The following CATSPERD variants were observed in gnomAD, a reference collection of about 807,000 sequenced individuals.
CATSPERD encodes the protein cation channel sperm-associated auxiliary subunit delta.
Under a neutral mutation model 98.1 loss-of-function variants are expected in CATSPERD, and 86 were observed. The ratio of observed to expected loss-of-function variants is 0.88; its 90% CI spans 0.74 to 1.05. The LOEUF (loss-of-function observed/expected upper bound fraction) is 1.05. Ranked by LOEUF, CATSPERD falls within the 50% of genes least tolerant of loss-of-function variation. The pLI, the probability that CATSPERD is intolerant of heterozygous loss-of-function variation, is 0.00. For synonymous variants in CATSPERD, 394 were observed against 390.2 expected (o/e 1.01, Z -0.12); for missense variants, 995 against 1,005.7 (o/e 0.99, Z 0.14).
intron 11 of CATSPERD, among the ~76,000 whole-genome samples, chr19:5,750,450 CAAAAAAAA>C (rs60496454): frequency 4.1e-5 from 2 of 48,672 alleles, no homozygotes; most frequent in Admixed American, 3.4e-4. Context: ...GACTCTGTCT[CAAAAAAAA>C]AAAAAAAAAA....
intron 8 of CATSPERD, 76 bp from the exon 9 acceptor site, chr19:5,745,837 C>T (rs1007576618): frequency 6.7e-7 from 1 of 1,491,922 alleles, no homozygotes; most frequent in African/African-American, 1.4e-5. Flanking sequence ...AGCCAGACTC[C>T]TCTTCCCTCA....
At chr19:5,721,723 G>A (rs373322211) in intron 1 of CATSPERD, among the ~76,000 whole-genome samples, 1 of 151,824 alleles carries the variant, frequency 6.6e-6, no homozygotes. Context: ...AGTGGCTCAC[G>A]CCTGTAATCC....
In CATSPERD at chr19:5,741,787, G is replaced by GA. The variant is rs1196515238; in HGVS notation, c.573+2348_573+2349insA. Among the ~76,000 whole-genome samples the GA allele has an allele frequency of 2.2e-5, 2 of 90,204 alleles. 1 individual carries two copies. The highest frequency in any genetic ancestry group is 4.8e-5 in the Non-Finnish European group (2 of 41,400). The allele number at this position is 90,204 out of a possible 152,430, so 59.2% of individuals were successfully genotyped here. On this transcript the variant is annotated intron_variant, in intron 7 of 21. Coordinates refer to ENST00000381624, the MANE Select transcript of CATSPERD (RefSeq NM_152784.4). ...CCAGCACTTTGGGATGCTGAAGGCG[G>GA]GGGGGGGGGGGTGGTGTGGATCACT...
chr19:5,771,101 G>A (rs1199905087), intron 19 of CATSPERD, 29 bp downstream of exon 19: 1 of 1,603,746 alleles, frequency 6.2e-7, no homozygotes, highest in Non-Finnish European at 8.5e-7. Context: ...GCTGCAGGGT[G>A]GGGACGGTGG....
chr19:5,777,049 G>A (rs2056752203), intron 21 of CATSPERD, among the ~76,000 whole-genome samples: 1 of 152,142 alleles, frequency 6.6e-6, no homozygotes, highest in South Asian at 2.1e-4. Context: ...GTGCTGAGGA[G>A]ATTATAAAGC....
intron 19 of CATSPERD, chr19:5,772,204 T>C: frequency 2.8e-6 from 1 of 355,990 alleles, no homozygotes; most frequent in Non-Finnish European, 5.3e-6. Context: ...CATACCACAA[T>C]GCCCGGTTAA....
chr19:5,722,747 C>A (rs1348104515), intron 1 of CATSPERD, among the ~76,000 whole-genome samples: 1 of 151,684 alleles, frequency 6.6e-6, no homozygotes, highest in African/African-American at 2.4e-5. Context: ...CCCCCGCAAC[C>A]CCGGTGATTC....
At chr19:5,747,602 T>C (rs2056118830) in intron 9 of CATSPERD, among the ~76,000 whole-genome samples, 1 of 138,246 alleles carries the variant, frequency 7.2e-6, no homozygotes, top group African/African-American at 2.6e-5. Context: ...GGTTTTCTTT[T>C]TTCTTTTCTT....
intron 4 of CATSPERD, among the ~76,000 whole-genome samples, chr19:5,731,569 T>G (rs907587524): frequency 8.7e-6 from 1 of 115,292 alleles, no homozygotes; most frequent in East Asian, 2.4e-4. Context: ...AGTTTTTTTT[T>G]TTTTTTTTTT....
intron 14 of CATSPERD, 111 bp from the exon 15 acceptor site, chr19:5,758,975 G>T: frequency 1.1e-6 from 1 of 892,484 alleles, no homozygotes; most frequent in South Asian, 1.3e-5. Flanking sequence ...GCGGCTTCCA[G>T]GTTCGTCCCC....
At chr19:5,753,706 T>A (rs898759527) in intron 12 of CATSPERD, 1 of 222,734 alleles carries the variant, frequency 4.5e-6, no homozygotes, top group Non-Finnish European at 9.3e-6. Context: ...TTGTCTCTAT[T>A]AAAAAAAAAA....
intron 18 of CATSPERD, among the ~76,000 whole-genome samples, chr19:5,769,052 G>A (rs749112643): frequency 6.6e-6 from 1 of 151,920 alleles, no homozygotes; most frequent in Non-Finnish European, 1.5e-5. Flanking sequence ...TACTCGGGAG[G>A]CTGAGGCAGG....
At chr19:5,772,652 G>A (rs888467279) in intron 19 of CATSPERD, 136 bp from the exon 20 acceptor site, 26 of 807,522 alleles carry the variant, frequency 3.2e-5, no homozygotes, top group East Asian at 5.2e-5. Context: ...AGCTGGGAGC[G>A]GCAGGCGTCC....
intron 5 of CATSPERD, among the ~76,000 whole-genome samples, chr19:5,734,713 G>T (rs2055808246): frequency 6.6e-6 from 1 of 151,796 alleles, no homozygotes; most frequent in South Asian, 2.1e-4. Flanking sequence ...GAGGCAGGAG[G>T]ATCCCTTGAG....
At chr19:5,741,785 CG>C (rs762072689) in intron 7 of CATSPERD, among the ~76,000 whole-genome samples, 774 of 6,078 alleles carry the variant, frequency 0.13, 149 homozygotes, top group African/African-American at 0.22. Context: ...ATGCTGAAGG[CG>C]GGGGGGGGGG....
intron 7 of CATSPERD, among the ~76,000 whole-genome samples, chr19:5,743,669 TC>T (rs2056037417): frequency 3.1e-5 from 4 of 129,898 alleles, no homozygotes; most frequent in Admixed American, 1.6e-4. Context: ...TCTCTCTTCC[TC>T]TCTCTCTCTC....
intron 4 of CATSPERD, among the ~76,000 whole-genome samples, chr19:5,732,684 T>G (rs771701617): frequency 1.3e-5 from 2 of 152,066 alleles, no homozygotes; most frequent in Non-Finnish European, 2.9e-5. Flanking sequence ...TGTTTTGTTT[T>G]GTTTTTGGTT....
intron 17 of CATSPERD, among the ~76,000 whole-genome samples, chr19:5,767,177 C>T (rs1215009781): frequency 1.3e-5 from 2 of 150,174 alleles, no homozygotes; most frequent in Non-Finnish European, 3.0e-5. Flanking sequence ...ATTAGCCGGG[C>T]GCATTGGCGG....
At position 5,724,596 on chromosome 19, in the gene CATSPERD, G is replaced by A. The variant is rs111355600; in HGVS notation, c.72-212G>A. Among the ~76,000 whole-genome samples, 510 of 152,286 alleles carry A rather than the reference G, an allele frequency of 3.3e-3. 3 individuals carry two copies. Among genetic ancestry groups the A allele is most frequent in the African/African-American group, 0.011 (470 of 41,568 alleles). ...CGCCTGTAATCCCAGCTACTCTGGC[G>A]GCTGAGGCAGGAGAAACACTTGAAT... On this transcript the variant is annotated intron_variant, in intron 1 of 21. Transcript: ENST00000381624.
Sources: gnomAD v4.1 joint callset for allele counts (sites outside exome capture counted in the v4.1 genomes callset) on GRCh38, gnomAD v4.1.1 for gene constraint, MANE v1.5 for transcripts, NCBI Gene and HGNC (gene_info 2026-07-23, HGNC 2026-07-21) for gene names.